The following RINT1 variants were observed in gnomAD, a reference collection of about 807,000 sequenced individuals.
RINT1 encodes RAD50-interacting protein 1.
RINT1 carries 75 observed loss-of-function variants against 97.7 expected under a neutral mutation model. The ratio of observed to expected loss-of-function variants is 0.77; its 90% CI spans 0.64 to 0.93. The LOEUF is 0.93. Ranked by LOEUF, RINT1 falls within the 40% of genes least tolerant of loss-of-function variation. The pLI is 0.00. For missense variants in RINT1, 892 were observed against 925.2 expected (o/e 0.96, Z 0.47); for synonymous variants, 303 against 326.3 (o/e 0.93, Z 0.77).
chr7:105,562,927 CAAA>C (rs1175923600), intron 11 of RINT1, among the ~76,000 whole-genome samples: 2 of 151,642 alleles, frequency 1.3e-5, no homozygotes, highest in Non-Finnish European at 2.9e-5. Context: ...AAAAACAAAA[CAAA>C]AAAAACTTGT....
At chr7:105,553,158 A>G (rs1416787027) in intron 10 of RINT1, among the ~76,000 whole-genome samples, 2 of 152,006 alleles carry the variant, frequency 1.3e-5, no homozygotes, top group African/African-American at 4.8e-5. Context: ...TTTCTGTTAT[A>G]TTTTACTCCT....
intron 3 of RINT1, among the ~76,000 whole-genome samples, chr7:105,540,302 G>A (rs540813789): frequency 1.3e-5 from 2 of 151,696 alleles, no homozygotes; most frequent in East Asian, 1.9e-4. Context: ...TCACTCTGTC[G>A]CCCAGGCTGG....
At chr7:105,532,787 A>C (rs1790085273) in intron 1 of RINT1, 37 bp from the exon 2 acceptor site, 5 of 1,611,438 alleles carry the variant, frequency 3.1e-6, no homozygotes, top group Non-Finnish European at 4.2e-6. Context: ...CCACGACTTT[A>C]ATCTTAATGT....
chr7:105,553,257 C>T (rs1348961780), intron 10 of RINT1, among the ~76,000 whole-genome samples: 1 of 151,006 alleles, frequency 6.6e-6, no homozygotes, highest in Non-Finnish European at 1.5e-5. Context: ...CAGAATTTCG[C>T]TCTTGTCACC....
At chr7:105,562,420 AT>A (rs955275222) in intron 11 of RINT1, among the ~76,000 whole-genome samples, 2 of 151,878 alleles carry the variant, frequency 1.3e-5, no homozygotes, top group Non-Finnish European at 2.9e-5. Context: ...CTAATTTTTA[AT>A]TTTTTTCTAG....
At chr7:105,546,745 G>A (rs1029851414) in intron 4 of RINT1, among the ~76,000 whole-genome samples, 165 bp from the exon 5 acceptor site, 14 of 152,022 alleles carry the variant, frequency 9.2e-5, no homozygotes, top group African/African-American at 2.7e-4. Context: ...GCATGGGGGC[G>A]CATGCCTGTA....
intron 11 of RINT1, among the ~76,000 whole-genome samples, chr7:105,563,259 G>A (rs988441943): frequency 7.9e-5 from 12 of 152,118 alleles, no homozygotes; most frequent in Non-Finnish European, 4.4e-5. Flanking sequence ...TTGAGGGAGT[G>A]GGGAGACGGT....
Position 105,536,634 on chromosome 7 carries a change from C to G in RINT1, c.158C>G (p.Pro53Arg). 6.2e-7 allele frequency: 1 copy of G among 1,612,258 alleles called. No homozygotes were observed. Among genetic ancestry groups the G allele is most frequent in the East Asian group, 2.2e-5 (1 of 44,818 alleles). Residue 53 changes from proline to arginine, a missense_variant, in exon 3 of 15, where the codon CCT (proline) becomes CGT (arginine). By Grantham distance (103) the Pro-to-Arg change is moderately radical. Coordinates refer to ENST00000257700, the MANE Select transcript of RINT1 (RefSeq NM_021930.6). ...VSEGTDNGDL[P>R]SYVSAFIEKE... is the part of the protein sequence containing the mutation. ...GAAGGTACAGATAATGGTGATCTCC[C>G]TTCTTATGTGTCTGCATTCATAGAA...
chr7:105,542,545 T>G lies in RINT1; in HGVS notation c.411T>G (p.Thr137=). The change falls in exon 4 of 15, where the codon ACT becomes ACG. Residue 137 remains threonine, a synonymous_variant. Coordinates refer to ENST00000257700, the MANE Select transcript of RINT1 (RefSeq NM_021930.6). ...LFSAINSHLL[T]AQPWMDDLGT... Reference sequence around the variant, plus strand: ...GCGCCATTAACAGCCATTTGCTGACTGCGCAACCTTGGATGGACGATCTTG... The same window carrying G: ...GCGCCATTAACAGCCATTTGCTGACGGCGCAACCTTGGATGGACGATCTTG... 3 of 1,614,194 alleles carry G rather than the reference T, an allele frequency of 1.9e-6. No homozygotes were observed. Among genetic ancestry groups the G allele is most frequent in the Non-Finnish European group, 2.5e-6 (3 of 1,180,026 alleles).
At position 105,550,319 on chromosome 7, in the gene RINT1, C is replaced by A; in HGVS notation, c.1166C>A (p.Pro389His). The A allele has an allele frequency of 6.2e-7, 1 of 1,614,000 alleles. No individual in the cohort carries two copies. Residue 389 changes from proline to histidine, a missense_variant, in exon 9 of 15, where the codon CCT becomes CAT. Transcript: ENST00000257700. ...LVLEKLATDI[P>H]CLLYDDNLFC... The stretch of plus-strand genomic sequence containing the variant: ...CTTGAGAAGTTAGCCACTGATATTC[C>A]TTGTCTGCTATATGATGACAATCTC...
rs1276027114 is a variant in RINT1 at position 105,532,323 on chromosome 7, C to T, written c.8C>T (p.Pro3Leu). Residue 3 changes from proline (P) to leucine (L), a missense_variant, in exon 1 of 15, where the codon CCA becomes CTA. Pro to Leu is a moderately conservative substitution (Grantham distance 98). Coordinates refer to ENST00000257700, the MANE Select transcript of RINT1 (RefSeq NM_021930.6). ...GACTCGCGCGGAGGCGAGATGCTACCAGCCGGCGAGATCGGCGCCTCTCCT... is the reference window on the plus strand; with the variant it reads ...GACTCGCGCGGAGGCGAGATGCTACTAGCCGGCGAGATCGGCGCCTCTCCT... MLPAGEIGASPAA... is the reference protein window; with the variant it reads MLLAGEIGASPAA... 1 of 1,593,696 alleles carries T rather than the reference C, an allele frequency of 6.3e-7. No homozygotes were observed. The highest frequency in any genetic ancestry group is 8.5e-7 in the Non-Finnish European group (1 of 1,172,454).
chr7:105,565,189 C>A, intron 12 of RINT1, 88 bp from the exon 13 acceptor site: 3 of 1,214,760 alleles, frequency 2.5e-6, no homozygotes, highest in South Asian at 1.6e-5. Flanking sequence ...TGCCCTAGGA[C>A]AGAACACTTC....
At chr7:105,551,836 C>T (rs909372057) in intron 10 of RINT1, 129 bp downstream of exon 10, 11 of 657,832 alleles carry the variant, frequency 1.7e-5, no homozygotes, top group African/African-American at 3.7e-5. Context: ...GAGGCTGAGA[C>T]GGGCAGGTTG....
Position 105,548,719 on chromosome 7 carries a change from T to C in RINT1, c.996+9T>C, listed in dbSNP as rs1586238252. 6.3e-7 allele frequency: 1 copy of C among 1,597,582 alleles called. No homozygotes were observed. Among genetic ancestry groups the C allele is most frequent in the Non-Finnish European group, 8.5e-7 (1 of 1,171,040 alleles). On this transcript the variant is annotated intron_variant, in intron 7 of 14. Coordinates refer to ENST00000257700, the MANE Select transcript of RINT1 (RefSeq NM_021930.6). ...CTAATGTGTTAAGCAAGGTGTGTTT[T>C]GCCAGCTCTTGTCCTTGGTTTTTAT... is the stretch of plus-strand genomic sequence containing the variant.
At chr7:105,563,611 C>A in intron 11 of RINT1, 122 bp from the exon 12 acceptor site, 1 of 777,006 alleles carries the variant, frequency 1.3e-6, no homozygotes, top group Non-Finnish European at 2.0e-6. Flanking sequence ...GGATTACAGG[C>A]ATGAGCCACC....
At chr7:105,561,009 C>A (rs28470239) in intron 11 of RINT1, among the ~76,000 whole-genome samples, 2 of 151,620 alleles carry the variant, frequency 1.3e-5, no homozygotes, top group Non-Finnish European at 2.9e-5. Flanking sequence ...CGTAAGCCAC[C>A]GTGCCAGGCC....
At chr7:105,532,986 A>G in intron 2 of RINT1, 117 bp downstream of exon 2, 1 of 860,232 alleles carries the variant, frequency 1.2e-6, no homozygotes, top group Non-Finnish European at 2.0e-6. Flanking sequence ...TTTCTGCACA[A>G]TATGCTTATA....
At position 105,547,023 on chromosome 7, in the gene RINT1, T is replaced by G. The variant is rs748281522; in HGVS notation, c.629T>G (p.Leu210Arg). ...KLQESSCTHL[L>R]GFMRATVKFW... ...CAGGAATCATCTTGTACTCATCTTCTTGGTTTCATGAGAGCCACAGTTAAA... is the reference window on the plus strand; with the variant it reads ...CAGGAATCATCTTGTACTCATCTTCGTGGTTTCATGAGAGCCACAGTTAAA... Residue 210 changes from leucine to arginine, a missense_variant, in exon 5 of 15, where the codon CTT becomes CGT. Physicochemically the swap from Leu to Arg is moderately radical, Grantham distance 102 (BLOSUM62 -2). Transcript: ENST00000257700. 5.6e-6 allele frequency: 9 copies of G among 1,614,074 alleles called. No homozygotes were observed. The South Asian group carries it at 8.8e-5, about 16-fold the overall frequency.
Position 105,563,952 on chromosome 7 carries a change from GTCC to G in RINT1, c.1886+8_1886+10del, listed in dbSNP as rs1489068137. 2.5e-6 allele frequency: 4 copies of G among 1,602,876 alleles called. No homozygotes were observed. The highest frequency in any genetic ancestry group is 2.6e-6 in the Non-Finnish European group (3 of 1,170,370). ...AAAATTGTATAAAAAAGAAAGGTAT[GTCC>G]TCTATGTAAGTCAGCTCTTAACACC... On this transcript the variant is annotated splice_donor_region_variant and intron_variant, in intron 12 of 14. Transcript: ENST00000257700.
Sources: gnomAD v4.1 joint callset for allele counts (sites outside exome capture counted in the v4.1 genomes callset) on GRCh38, gnomAD v4.1.1 for gene constraint, MANE v1.5 for transcripts, NCBI Gene and HGNC (gene_info 2026-07-23, HGNC 2026-07-21) for gene names.